Variants in ZNF385D observed in about 807,000 individuals in gnomAD.
The protein encoded by ZNF385D is zinc finger protein 659.
A neutral mutation model predicts 35.8 loss-of-function variants in ZNF385D; 15 were observed. That is an observed-to-expected ratio of 0.42 (90% CI 0.28 to 0.64). The LOEUF (loss-of-function observed/expected upper bound fraction) is 0.64. Ranked by LOEUF, ZNF385D falls within the 30% of genes least tolerant of loss-of-function variation. The pLI, the probability that ZNF385D is intolerant of heterozygous loss-of-function variation, is 0.23. For synonymous variants in ZNF385D, 212 were observed against 186.8 expected, an observed-to-expected ratio of 1.13 and a Z score of -1.10; for missense variants, 474 against 494.6, an observed-to-expected ratio of 0.96 and a Z score of 0.39.
At chr3:22,124,873 T>C (rs1214958120) in intron 3 of ZNF385D, among the ~76,000 whole-genome samples, 3 of 152,164 alleles carry the variant, frequency 2.0e-5, no homozygotes, top group African/African-American at 7.2e-5. Flanking sequence ...GCGTTGTTTC[T>C]TCACTTTGTT....
chr3:22,011,141 T>C (rs991262026), intron 3 of ZNF385D, among the ~76,000 whole-genome samples: 4 of 152,180 alleles, frequency 2.6e-5, no homozygotes, highest in Non-Finnish European at 5.9e-5. Flanking sequence ...TATTTTTGTA[T>C]ATAACTACAG....
chr3:22,308,599 C>G lies in ZNF385D; in HGVS notation c.106+63851G>C, dbSNP rs146553557. ...ATGGGCACTGCTCAGAAAGGGTAGA[C>G]ACACTGGTGAGGAGCCACAACAGAG... On this transcript the variant is annotated intron_variant, in intron 2 of 5. Transcript: ENST00000494108. Among the ~76,000 whole-genome samples, 371 of 151,924 alleles carry G rather than the reference C, an allele frequency of 2.4e-3. 3 individuals are homozygous for G. The highest frequency in any genetic ancestry group is 8.9e-3 in the African/African-American group (368 of 41,488).
intron 3 of ZNF385D, among the ~76,000 whole-genome samples, chr3:21,789,298 G>C (rs1440733481): frequency 2.0e-5 from 3 of 152,092 alleles, no homozygotes; most frequent in Non-Finnish European, 2.9e-5. Flanking sequence ...AATCAACCAA[G>C]AGCAAGACAC....
chr3:22,185,290 G>T (rs536461897), intron 2 of ZNF385D, among the ~76,000 whole-genome samples: 1 of 152,158 alleles, frequency 6.6e-6, no homozygotes. Flanking sequence ...CAAATGTTTA[G>T]ATATAATATT....
rs557964862 is a variant in ZNF385D, at chr3:21,450,612, T to C, written c.440-13409A>G. Among the ~76,000 whole-genome samples the C allele has an allele frequency of 3.9e-5, 6 of 152,286 alleles. No homozygotes were observed. The South Asian group carries it at 1.2e-3, about 32-fold the overall frequency. ...TCTCAGAAGCTCATCAAGACAACCC[T>C]GGATAGAACTCAGTTTTATAAAAAT... On this transcript the variant is annotated intron_variant, in intron 4 of 7. Transcript: ENST00000281523.
At chr3:21,755,362 G>T (rs750418299), upstream of ZNF385D, among the ~76,000 whole-genome samples, 4 of 152,020 alleles carry the variant, frequency 2.6e-5, no homozygotes, top group Non-Finnish European at 5.9e-5. Flanking sequence ...ATCCACCAAG[G>T]TCGTTAAGGT....
chr3:22,301,074 T>C (rs568945326), intron 2 of ZNF385D, among the ~76,000 whole-genome samples: 7 of 152,098 alleles, frequency 4.6e-5, no homozygotes, highest in African/African-American at 1.7e-4. Context: ...GTGTTCTACA[T>C]AGACACAGTG....
chr3:21,690,952 G>C (rs11706806), intron 1 of ZNF385D, among the ~76,000 whole-genome samples: 78 of 152,018 alleles, frequency 5.1e-4, no homozygotes, highest in Admixed American at 4.2e-3. Context: ...GAACTCTGGC[G>C]TTCTACCCTC....
chr3:22,104,924 T>C (rs956584968), intron 3 of ZNF385D, among the ~76,000 whole-genome samples: 1 of 152,040 alleles, frequency 6.6e-6, no homozygotes, highest in Non-Finnish European at 1.5e-5. Flanking sequence ...TGAAGAACGG[T>C]CAATGTTTTA....
At chr3:21,805,039 G>A (rs2072574855) in intron 3 of ZNF385D, among the ~76,000 whole-genome samples, 1 of 152,170 alleles carries the variant, frequency 6.6e-6, no homozygotes, top group African/African-American at 2.4e-5. Context: ...TGATAATGGT[G>A]AGAGGGGCTT....
intron 3 of ZNF385D, among the ~76,000 whole-genome samples, chr3:21,890,833 A>T (rs1698817068): frequency 6.6e-6 from 1 of 152,190 alleles, no homozygotes; most frequent in Non-Finnish European, 1.5e-5. Flanking sequence ...ATTATGGAGA[A>T]GCCAAAGGAA....
At chr3:22,368,072 T>C (rs1696736142) in intron 2 of ZNF385D, among the ~76,000 whole-genome samples, 1 of 152,252 alleles carries the variant, frequency 6.6e-6, no homozygotes, top group South Asian at 2.1e-4. Context: ...TTTGAAATGC[T>C]ACATGCTGGC....
At chr3:21,732,759 C>T (rs939854177) in intron 1 of ZNF385D, among the ~76,000 whole-genome samples, 4 of 152,136 alleles carry the variant, frequency 2.6e-5, no homozygotes, top group African/African-American at 9.7e-5. Flanking sequence ...TATTCTTGAC[C>T]TTGAAGTGTT....
intron 3 of ZNF385D, among the ~76,000 whole-genome samples, chr3:21,965,864 GGAA>G (rs1422436149): frequency 2.0e-5 from 3 of 152,032 alleles, no homozygotes; most frequent in Non-Finnish European, 4.4e-5. Context: ...AGGAAGGAAT[GGAA>G]GAAGAAGAGA....
At chr3:22,115,215 G>C (rs1389805358) in intron 3 of ZNF385D, among the ~76,000 whole-genome samples, 1 of 152,046 alleles carries the variant, frequency 6.6e-6, no homozygotes, top group African/African-American at 2.4e-5. Flanking sequence ...AGCAGATTTG[G>C]TCAGGCCATG....
chr3:21,608,023 G>GTTTTTTTTTTGGTTTTTTTT (rs2064545249), intron 2 of ZNF385D, among the ~76,000 whole-genome samples: 4 of 120,214 alleles, frequency 3.3e-5, no homozygotes, highest in Admixed American at 9.2e-5. Flanking sequence ...TTTTTTTTTT[G>GTTTTTTTTTTGGTTTTTTTT]TTTTTTTTTT....
Position 21,802,824 on chromosome 3 carries a change from T to A in ZNF385D, c.326-137796A>T, listed in dbSNP as rs1398164547. Among the ~76,000 whole-genome samples the A allele has an allele frequency of 4.6e-5, 7 of 152,114 alleles. No homozygotes were observed. The East Asian group carries it at 1.4e-3, about 29-fold the overall frequency. ...CTAACTGGGCAGGTTAATAACAAAG[T>A]GTTTGTGAAATGCTTAGAAAGCTAC... On this transcript the variant is annotated intron_variant, in intron 3 of 5. Transcript: ENST00000494108.
intron 3 of ZNF385D, among the ~76,000 whole-genome samples, chr3:21,915,503 T>G (rs1022052399): frequency 6.6e-6 from 1 of 152,154 alleles, no homozygotes; most frequent in Non-Finnish European, 1.5e-5. Context: ...ATTTTTTCTG[T>G]TACAAGGTAA....
chr3:21,565,453 A>G (rs1034771742), intron 2 of ZNF385D, among the ~76,000 whole-genome samples: 2 of 152,124 alleles, frequency 1.3e-5, no homozygotes, highest in African/African-American at 4.8e-5. Flanking sequence ...ATCATAGCTC[A>G]CTGTAGGCTC....
Sources: gnomAD v4.1 joint callset for allele counts (sites outside exome capture counted in the v4.1 genomes callset) on GRCh38, gnomAD v4.1.1 for gene constraint, MANE v1.5 for transcripts, NCBI Gene and HGNC (gene_info 2026-07-23, HGNC 2026-07-21) for gene names.